Variants in P4HA3 observed in about 807,000 individuals in gnomAD.
The protein encoded by P4HA3 is prolyl 4-hydroxylase subunit alpha 3, also known as prolyl 4-hydroxylase subunit alpha-3.
A neutral mutation model predicts 66.7 loss-of-function variants in P4HA3; 60 were observed. That is an observed-to-expected ratio of 0.90 (90% CI 0.73 to 1.12). P4HA3 has a LOEUF of 1.12. Among genes scored for constraint, P4HA3 ranks in the 50% most tolerant of loss-of-function variants. The pLI is 0.00. For missense variants in P4HA3, 683 were observed against 685.8 expected (o/e 1.00, Z 0.05); for synonymous variants, 263 against 274.6 (o/e 0.96, Z 0.42).
chr11:74,263,388 C>A (rs1021430055), downstream of P4HA3, among the ~76,000 whole-genome samples: 1 of 152,266 alleles, frequency 6.6e-6, no homozygotes, highest in African/African-American at 2.4e-5. Context: ...GTTGGAGACC[C>A]CCCCTGCCCT....
intron 10 of P4HA3, among the ~76,000 whole-genome samples, chr11:74,272,587 A>G (rs1860243720): frequency 6.6e-6 from 1 of 152,154 alleles, no homozygotes; most frequent in African/African-American, 2.4e-5. Context: ...CACATAGAGA[A>G]ACACACTGGA....
intron 2 of P4HA3, 137 bp downstream of exon 2, chr11:74,304,133 G>T: frequency 1.7e-6 from 2 of 1,148,206 alleles, no homozygotes; most frequent in Non-Finnish European, 2.5e-6. Flanking sequence ...CTTTGTGCTA[G>T]CTAGAGCTAA....
rs145534467 is a variant in P4HA3, at chr11:74,255,190, A to T, written c.*1318+4733T>A. Among the ~76,000 whole-genome samples, 594 of 152,326 alleles carry T rather than the reference A, an allele frequency of 3.9e-3. 1 individual carries two copies. Among genetic ancestry groups the T allele is most frequent in the African/African-American group, 0.013 (546 of 41,572 alleles). On this transcript the variant is annotated intron_variant and NMD_transcript_variant, in intron 15 of 15. Coordinates refer to the P4HA3 transcript ENST00000524388. ...CTCTTCCTCCAGCGTTTCCTGGCTCAATAAGTGATAGGTATCACCATCTCT... is the reference window on the plus strand; with the variant it reads ...CTCTTCCTCCAGCGTTTCCTGGCTCTATAAGTGATAGGTATCACCATCTCT...
At chr11:74,304,181 G>C in intron 2 of P4HA3, 89 bp downstream of exon 2, 2 of 1,513,586 alleles carry the variant, frequency 1.3e-6, no homozygotes, top group South Asian at 2.4e-5. Flanking sequence ...ATTACCCTTT[G>C]AAATCACATC....
In P4HA3 at chr11:74,253,217, T is replaced by G. The variant is rs149113902; in HGVS notation, c.*1319-5216A>C. ...TATGCTGAGCCATCCCTCTAACAAC[T>G]GACCATTCATGGATCCCAGGAACCA... is the stretch of plus-strand genomic sequence containing the variant. On this transcript the variant is annotated intron_variant and NMD_transcript_variant, in intron 15 of 15. Transcript: ENST00000524388. Among the ~76,000 whole-genome samples the G allele has an allele frequency of 4.3e-4, 65 of 152,270 alleles. 1 individual carries two copies. The highest frequency in any genetic ancestry group is 8.8e-4 in the Non-Finnish European group (60 of 68,016).
At position 74,298,372 on chromosome 11, in the gene P4HA3, C is replaced by T. The variant is rs761450778; in HGVS notation, c.568-11G>A. 4.3e-6 allele frequency: 7 copies of T among 1,611,174 alleles called. No individual in the cohort carries two copies. In the South Asian group the frequency reaches 4.4e-5, roughly 10 times the overall value. On this transcript the variant is annotated splice_polypyrimidine_tract_variant and intron_variant, in intron 3 of 12. Coordinates refer to ENST00000331597, the MANE Select transcript of P4HA3 (RefSeq NM_182904.5). ...CATGTCATAGGCCACCTACACAGAA[C>T]ACAAGTACCATCGCCAAAGCCTTAT...
chr11:74,257,582 A>C (rs1267356861), intron 15 of P4HA3, among the ~76,000 whole-genome samples: 1 of 152,190 alleles, frequency 6.6e-6, no homozygotes, highest in Non-Finnish European at 1.5e-5. Flanking sequence ...AGATAGGAGA[A>C]GAGCCAGGAG....
chr11:74,276,950 T>C lies in P4HA3; in HGVS notation c.1335+35A>G, dbSNP rs113263976. 6 of 1,582,258 alleles carry C rather than the reference T, an allele frequency of 3.8e-6. 1 individual carries two copies. In the African/African-American group the frequency reaches 4.0e-5, roughly 11 times the overall value. On this transcript the variant is annotated intron_variant, in intron 9 of 12. Coordinates refer to ENST00000331597, the MANE Select transcript of P4HA3 (RefSeq NM_182904.5). ...AGAAATAAATAATGCCCTGGCTCCCTACCCCAGGGGATTGGTCATTGACTC... is the reference window on the plus strand; with the variant it reads ...AGAAATAAATAATGCCCTGGCTCCCCACCCCAGGGGATTGGTCATTGACTC...
Position 74,267,008 on chromosome 11 carries a change from T to C in P4HA3, c.*240A>G. 6.6e-7 allele frequency: 1 copy of C among 1,504,464 alleles called. No homozygotes were observed. The highest frequency in any genetic ancestry group is 8.9e-7 in the Non-Finnish European group (1 of 1,128,276). The allele number at this position is 1,504,464 out of a possible 1,614,324, so 93.2% of individuals were successfully genotyped here. A position where few individuals can be genotyped will look rare whatever the true frequency, so the allele number is the denominator to read the frequency against. On this transcript the variant is annotated 3_prime_UTR_variant, in exon 13 of 13. Transcript: ENST00000331597. ...AGAAACTTCCCTCTCAGGCCTCCAC[T>C]CCCCCCTCCTTTGTACTGTGCATCC...
chr11:74,252,494 C>T, intron 15 of P4HA3: 1 of 456,750 alleles, frequency 2.2e-6, no homozygotes, highest in Non-Finnish European at 4.4e-6. Flanking sequence ...GCTTGCTTCC[C>T]CTCCCTTTCC....
intron 6 of P4HA3, 72 bp downstream of exon 6, chr11:74,286,156 T>A (rs934814026): frequency 1.3e-5 from 20 of 1,552,464 alleles, no homozygotes; most frequent in Non-Finnish European, 1.7e-5. Flanking sequence ...TATCCCCTCA[T>A]GTTATCCCAA....
chr11:74,282,884 A>G (rs1001114467), intron 7 of P4HA3, among the ~76,000 whole-genome samples: 8 of 151,116 alleles, frequency 5.3e-5, no homozygotes, highest in African/African-American at 1.9e-4. Flanking sequence ...ATATGGCTCC[A>G]AAAAGTGCTC....
At chr11:74,280,367 C>T (rs1860551074) in intron 7 of P4HA3, among the ~76,000 whole-genome samples, 1 of 151,804 alleles carries the variant, frequency 6.6e-6, no homozygotes. Flanking sequence ...GTTTTGTTGC[C>T]CAGGCTGGTC....
chr11:74,266,931 G>A lies in P4HA3; in HGVS notation c.*317C>T, dbSNP rs981855575. ...CAAAGTGCCAAAAGACCCACTGATCGAACCTGAGACTGTTGAGATGTCCTG... is the reference window on the plus strand; with the variant it reads ...CAAAGTGCCAAAAGACCCACTGATCAAACCTGAGACTGTTGAGATGTCCTG... On this transcript the variant is annotated 3_prime_UTR_variant, in exon 13 of 13. Transcript: ENST00000331597. The A allele has an allele frequency of 5.9e-5, 77 of 1,296,596 alleles. No individual in the cohort carries two copies. Among genetic ancestry groups the A allele is most frequent in the South Asian group, 3.7e-4 (24 of 64,230 alleles). The allele number at this position is 1,296,596 out of a possible 1,614,324, so 80.3% of individuals were successfully genotyped here.
At chr11:74,303,648 C>T (rs1011306385) in intron 2 of P4HA3, among the ~76,000 whole-genome samples, 1 of 150,896 alleles carries the variant, frequency 6.6e-6, no homozygotes, top group Non-Finnish European at 1.5e-5. Context: ...GTGGTGCGAT[C>T]TTGGCTCACT....
rs1860007090 is a variant in P4HA3, at chr11:74,266,952, T to A, written c.*296A>T. The A allele has an allele frequency of 1.5e-6, 2 of 1,366,844 alleles. No individual in the cohort carries two copies. Among genetic ancestry groups the A allele is most frequent in the East Asian group, 5.0e-5 (2 of 39,812 alleles). 84.7% of individuals were successfully genotyped at this position (1,366,844 alleles called of 1,614,324 possible). On this transcript the variant is annotated 3_prime_UTR_variant, in exon 13 of 13. Transcript: ENST00000331597. ...GATCGAACCTGAGACTGTTGAGATG[T>A]CCTGTTCCCAACAGAGAGTATCTGA... is the stretch of plus-strand genomic sequence containing the variant.
chr11:74,307,106 G>C (rs1861602947), intron 1 of P4HA3, among the ~76,000 whole-genome samples: 1 of 152,168 alleles, frequency 6.6e-6, no homozygotes, highest in African/African-American at 2.4e-5. Flanking sequence ...GATTTTATAA[G>C]ACAGCTGGAT....
chr11:74,263,430 T>C (rs1356065414), downstream of P4HA3, among the ~76,000 whole-genome samples: 2 of 152,166 alleles, frequency 1.3e-5, no homozygotes, highest in African/African-American at 4.8e-5. Context: ...TTATTGCCAA[T>C]GGAAGCACAG....
At chr11:74,257,939 A>T (rs953284654) in intron 15 of P4HA3, among the ~76,000 whole-genome samples, 3 of 152,202 alleles carry the variant, frequency 2.0e-5, no homozygotes, top group African/African-American at 7.2e-5. Flanking sequence ...CTTAAGTTGG[A>T]TGCAGGGGCC....
Sources: allele counts gnomAD v4.1 joint callset (sites outside exome capture counted in the v4.1 genomes callset), GRCh38; gene constraint gnomAD v4.1.1; transcripts MANE v1.5; gene names NCBI Gene and HGNC (gene_info 2026-07-23, HGNC 2026-07-21).